Variants in PEX14 observed in about 807,000 individuals in gnomAD.
PEX14 encodes the protein peroxisomal biogenesis factor 14.
Under a neutral mutation model 49.5 loss-of-function variants are expected in PEX14, and 15 were observed. The observed-to-expected ratio is 0.30, with a 90% CI of 0.20 to 0.47. The LOEUF is 0.47. Among genes scored for constraint, PEX14 ranks in the 20% least tolerant of loss-of-function variants. The pLI, the probability that PEX14 is intolerant of heterozygous loss-of-function variation, is 1.00. For missense variants in PEX14, 398 were observed against 494.8 expected (o/e 0.80, Z 1.86); for synonymous variants, 210 against 212.7 (o/e 0.99, Z 0.11).
intron 3 of PEX14, among the ~76,000 whole-genome samples, chr1:10,572,015 G>A (rs770173958): frequency 2.6e-5 from 4 of 152,112 alleles, no homozygotes; most frequent in African/African-American, 4.8e-5. Context: ...TCCAGTTTAT[G>A]TAGTACAATC....
In PEX14 at chr1:10,539,999, T is replaced by G. The variant is rs146610663; in HGVS notation, c.169+3702T>G. 3.3e-3 allele frequency among the ~76,000 whole-genome samples: 506 copies of G among 152,350 alleles called. 4 individuals are homozygous for G. The highest frequency in any genetic ancestry group is 0.012 in the African/African-American group (479 of 41,582). Reference sequence around the variant, plus strand: ...CTGGGTGCTGTTGGCTCACACTTACTGTGTCCTTCTCAAGTGTCTAAGTAA... The same window carrying G: ...CTGGGTGCTGTTGGCTCACACTTACGGTGTCCTTCTCAAGTGTCTAAGTAA... On this transcript the variant is annotated intron_variant, in intron 3 of 8. Coordinates refer to ENST00000356607, the MANE Select transcript of PEX14 (RefSeq NM_004565.3). The surrounding 1 kb of genome is among the most constrained non-coding windows in gnomAD (Gnocchi z 4.6).
At chr1:10,601,398 A>G (rs1172182069) in intron 4 of PEX14, among the ~76,000 whole-genome samples, 1 of 152,004 alleles carries the variant, frequency 6.6e-6, no homozygotes, top group African/African-American at 2.4e-5. Flanking sequence ...GTTTTCATCC[A>G]GCTCAGCTGC....
chr1:10,593,902 C>T (rs1273513842), intron 3 of PEX14, among the ~76,000 whole-genome samples: 1 of 152,124 alleles, frequency 6.6e-6, no homozygotes, highest in Non-Finnish European at 1.5e-5. Context: ...AGAGCAAGGT[C>T]GAAGCAAATG....
intron 3 of PEX14, among the ~76,000 whole-genome samples, chr1:10,573,220 G>T (rs1265487404): frequency 2.6e-5 from 4 of 152,162 alleles, no homozygotes; most frequent in Admixed American, 1.3e-4. Flanking sequence ...TCTGACGGAG[G>T]TCTTGTATCT....
chr1:10,594,317 T>C (rs1326157741), intron 3 of PEX14, among the ~76,000 whole-genome samples: 1 of 152,034 alleles, frequency 6.6e-6, no homozygotes, highest in Non-Finnish European at 1.5e-5. Context: ...GGCAGATAAC[T>C]TAGTTGTTCT....
intron 3 of PEX14, among the ~76,000 whole-genome samples, chr1:10,546,846 G>C (rs928751412): frequency 1.3e-5 from 2 of 152,182 alleles, no homozygotes; most frequent in Non-Finnish European, 2.9e-5. Flanking sequence ...TCCAGCCTGG[G>C]TGACAGAGTG....
chr1:10,537,261 C>T (rs1350332557), intron 3 of PEX14, among the ~76,000 whole-genome samples: 3 of 149,248 alleles, frequency 2.0e-5, no homozygotes, highest in African/African-American at 4.9e-5. Flanking sequence ...AGCTGCTTCG[C>T]GGCAGCCCCA....
intron 4 of PEX14, among the ~76,000 whole-genome samples, chr1:10,604,359 G>T (rs539014693): frequency 1.4e-4 from 22 of 152,192 alleles, no homozygotes; most frequent in Non-Finnish European, 2.6e-4. Context: ...CGTGGCGCCT[G>T]TAATCCCAAC....
intron 1 of PEX14, among the ~76,000 whole-genome samples, chr1:10,476,118 C>T (rs1400295473): frequency 1.3e-5 from 2 of 152,184 alleles, no homozygotes; most frequent in Admixed American, 6.5e-5. Context: ...GAGTTTTCAG[C>T]AACTTACTAG....
At chr1:10,554,133 CAAAA>C (rs33963510) in intron 3 of PEX14, among the ~76,000 whole-genome samples, 204 of 111,058 alleles carry the variant, frequency 1.8e-3, no homozygotes, top group African/African-American at 6.6e-3. Flanking sequence ...ACTAAAAATA[CAAAA>C]AAAAAAAAAA....
At position 10,496,593 on chromosome 1, in the gene PEX14, C is replaced by T. The variant is rs995205512; in HGVS notation, c.84+1272C>T. On this transcript the variant is annotated intron_variant, in intron 2 of 8. Coordinates refer to ENST00000356607, the MANE Select transcript of PEX14 (RefSeq NM_004565.3). ...TTGATGTACCCATTTAACTGGTCAT[C>T]GGAGGAGTGGCCAGTCCATCTTTTG... is the stretch of plus-strand genomic sequence containing the variant. Among the ~76,000 whole-genome samples the T allele has an allele frequency of 3.9e-5, 6 of 152,130 alleles. No individual in the cohort carries two copies. In the East Asian group the frequency reaches 5.8e-4, roughly 15 times the overall value.
chr1:10,589,351 A>G (rs962338774), intron 3 of PEX14, among the ~76,000 whole-genome samples: 3 of 152,132 alleles, frequency 2.0e-5, no homozygotes, highest in Non-Finnish European at 4.4e-5. Flanking sequence ...AAGATGCAAC[A>G]CTTGTGGAGT....
chr1:10,621,342 CTTTTTTTTTTT>C (rs930417764), intron 5 of PEX14, among the ~76,000 whole-genome samples: 1 of 108,028 alleles, frequency 9.3e-6, no homozygotes, highest in Non-Finnish European at 1.9e-5. Context: ...TATATGAATT[CTTTTTTTTTTT>C]TTTTTTTTTT....
chr1:10,578,646 A>G (rs553318998), intron 3 of PEX14, among the ~76,000 whole-genome samples: 1 of 152,216 alleles, frequency 6.6e-6, no homozygotes, highest in African/African-American at 2.4e-5. Flanking sequence ...TTTAACTATG[A>G]ACAAATATGT....
chr1:10,476,000 A>G (rs1382975475), intron 1 of PEX14, among the ~76,000 whole-genome samples: 1 of 152,222 alleles, frequency 6.6e-6, no homozygotes, highest in Non-Finnish European at 1.5e-5. Flanking sequence ...TGACTCCACT[A>G]GTCATCCATA....
intron 2 of PEX14, among the ~76,000 whole-genome samples, chr1:10,499,682 T>C (rs1235951202): frequency 5.3e-5 from 8 of 152,164 alleles, no homozygotes; most frequent in East Asian, 1.9e-4. Context: ...CTCCTGACCT[T>C]GTGATCTGCC....
rs1313739688 is a variant in PEX14 at position 10,481,611 on chromosome 1, A to AT, written c.36+6615dup. Among the ~76,000 whole-genome samples the AT allele has an allele frequency of 4.6e-5, 7 of 150,738 alleles. No homozygotes were observed. In the East Asian group the frequency reaches 1.4e-3, roughly 30 times the overall value. On this transcript the variant is annotated intron_variant, in intron 1 of 8. Coordinates refer to ENST00000356607, the MANE Select transcript of PEX14 (RefSeq NM_004565.3). ...CATGCACTATGATGCCCAGCTAATT[A>AT]TTTTTTGTAGAGGTCGGGTCTCGCT...
rs961429247 is a variant in PEX14 at position 10,597,061 on chromosome 1, C to T, written c.170-2177C>T. ...GGCGTCCTGTCCCTTTAACCAGCTCCGGCCCTCAGGGCCACAGCACAGTCT... is the reference window on the plus strand; with the variant it reads ...GGCGTCCTGTCCCTTTAACCAGCTCTGGCCCTCAGGGCCACAGCACAGTCT... On this transcript the variant is annotated intron_variant, in intron 3 of 8. Transcript: ENST00000356607. The surrounding 1 kb of genome is among the most constrained non-coding windows in gnomAD (Gnocchi z 5.7). Among the ~76,000 whole-genome samples the T allele has an allele frequency of 2.6e-5, 4 of 152,240 alleles. No individual in the cohort carries two copies. The highest frequency in any genetic ancestry group is 6.5e-5 in the Admixed American group (1 of 15,286).
intron 4 of PEX14, among the ~76,000 whole-genome samples, chr1:10,601,668 G>A (rs994312343): frequency 7.9e-5 from 12 of 152,178 alleles, no homozygotes; most frequent in African/African-American, 2.7e-4. Flanking sequence ...CCTGTATTTG[G>A]GCTACTGGGT....
Sources: gnomAD v4.1 joint callset for allele counts (sites outside exome capture counted in the v4.1 genomes callset) on GRCh38, gnomAD v4.1.1 for gene constraint, Gnocchi (gnomAD v3.1) non-coding constraint, MANE v1.5 for transcripts, NCBI Gene and HGNC (gene_info 2026-07-23, HGNC 2026-07-21) for gene names.